FBXW11: variants seen among roughly 807,000 people sequenced by gnomAD.
The protein encoded by FBXW11 is F-box and WD repeat domain containing 11.
Under a neutral mutation model 77.6 loss-of-function variants are expected in FBXW11, and 19 were observed. That is an observed-to-expected ratio of 0.24 (90% CI 0.17 to 0.36). The LOEUF (loss-of-function observed/expected upper bound fraction) is 0.36. Ranked by LOEUF, FBXW11 falls within the 10% of genes least tolerant of loss-of-function variation. The pLI, the probability that FBXW11 is intolerant of heterozygous loss-of-function variation, is 1.00. For missense variants in FBXW11, 334 were observed against 704.2 expected, an observed-to-expected ratio of 0.47 and a Z score of 5.95; for synonymous variants, 235 against 249.4, an observed-to-expected ratio of 0.94 and a Z score of 0.54.
intron 1 of FBXW11, among the ~76,000 whole-genome samples, chr5:171,992,816 T>C (rs1489977562): frequency 6.6e-6 from 1 of 152,024 alleles, no homozygotes; most frequent in East Asian, 1.9e-4. Context: ...ACTTCTCTTC[T>C]TAGACAATCC....
At chr5:171,878,615 T>A (rs1477841361) in intron 7 of FBXW11, among the ~76,000 whole-genome samples, 47 of 148,634 alleles carry the variant, frequency 3.2e-4, no homozygotes, top group African/African-American at 1.1e-3. Context: ...TGTGTGTGTG[T>A]GTGTGTGTGT....
chr5:171,938,479 A>C (rs1247081398), intron 2 of FBXW11, among the ~76,000 whole-genome samples: 1 of 152,252 alleles, frequency 6.6e-6, no homozygotes, highest in Non-Finnish European at 1.5e-5. Flanking sequence ...ACATATTGGC[A>C]AATATGTAGA....
At chr5:171,966,921 T>C (rs1764222572) in intron 1 of FBXW11, among the ~76,000 whole-genome samples, 1 of 152,224 alleles carries the variant, frequency 6.6e-6, no homozygotes, top group African/African-American at 2.4e-5. Flanking sequence ...AGCTGAGTTT[T>C]ACAGACAAGA....
chr5:171,944,626 G>C (rs1376275057), intron 2 of FBXW11, among the ~76,000 whole-genome samples: 2 of 132,518 alleles, frequency 1.5e-5, no homozygotes, highest in Non-Finnish European at 3.3e-5. Context: ...AAAATATTAA[G>C]AATGGTACTC....
At chr5:171,963,494 C>T (rs1456746010) in intron 1 of FBXW11, among the ~76,000 whole-genome samples, 1 of 152,162 alleles carries the variant, frequency 6.6e-6, no homozygotes, top group Non-Finnish European at 1.5e-5. Context: ...GACTTAATCC[C>T]GTAGAACAAC....
At chr5:171,911,620 A>C (rs1251719010) in intron 3 of FBXW11, among the ~76,000 whole-genome samples, 2 of 152,196 alleles carry the variant, frequency 1.3e-5, no homozygotes, top group African/African-American at 4.8e-5. Context: ...CCTTCTCAGA[A>C]AGTGACCCAA....
intron 1 of FBXW11, among the ~76,000 whole-genome samples, chr5:171,972,027 T>A (rs1279412838): frequency 6.7e-6 from 1 of 149,878 alleles, no homozygotes; most frequent in Admixed American, 6.7e-5. Context: ...AGCCCAGGAG[T>A]TTGAGACCAG....
At chr5:171,924,421 A>C (rs920755714) in intron 2 of FBXW11, among the ~76,000 whole-genome samples, 2 of 152,008 alleles carry the variant, frequency 1.3e-5, no homozygotes, top group African/African-American at 4.8e-5. Context: ...CCATTCTGTG[A>C]CTATTAAAAA....
intron 13 of FBXW11, among the ~76,000 whole-genome samples, chr5:171,864,562 C>T (rs753894193): frequency 1.3e-5 from 2 of 152,164 alleles, no homozygotes; most frequent in South Asian, 2.1e-4. Context: ...GAGCCCTCAT[C>T]GATCACAAGG....
At chr5:171,939,916 C>T (rs942312988) in intron 2 of FBXW11, among the ~76,000 whole-genome samples, 1 of 152,004 alleles carries the variant, frequency 6.6e-6, no homozygotes, top group Admixed American at 6.6e-5. Context: ...ATAGTATTTG[C>T]ATGTAACCTA....
At chr5:171,967,275 A>G (rs1393648459) in intron 1 of FBXW11, among the ~76,000 whole-genome samples, 1 of 152,248 alleles carries the variant, frequency 6.6e-6, no homozygotes, top group Non-Finnish European at 1.5e-5. Context: ...AATATAGCCA[A>G]GAAGATGTCA....
At chr5:171,941,644 C>A (rs973903051) in intron 2 of FBXW11, among the ~76,000 whole-genome samples, 13 of 151,782 alleles carry the variant, frequency 8.6e-5, no homozygotes, top group African/African-American at 3.1e-4. Context: ...GTCAGCTTTA[C>A]TTTCAAATTG....
rs779831204 is a variant in FBXW11, at chr5:171,904,165, C to T, written c.437-4065G>A. On this transcript the variant is annotated intron_variant, in intron 4 of 13. Coordinates refer to ENST00000517395, the MANE Select transcript of FBXW11 (RefSeq NM_001378974.1). This position sits in a 1 kb window ranked among gnomAD's most constrained non-coding sequence, Gnocchi z 4.0. Reference sequence around the variant, plus strand: ...TACAAAAATTAGCCATGGTGGCACACGCCTGTAATCCCAGCTACTTGGCAG... The same window carrying T: ...TACAAAAATTAGCCATGGTGGCACATGCCTGTAATCCCAGCTACTTGGCAG... Among the ~76,000 whole-genome samples, 16 of 139,134 alleles carry T rather than the reference C, an allele frequency of 1.1e-4. No individual in the cohort carries two copies. The highest frequency in any genetic ancestry group is 2.3e-4 in the Non-Finnish European group (15 of 65,070). The allele number at this position is 139,134 out of a possible 152,430, so 91.3% of individuals were successfully genotyped here.
At chr5:171,886,831 T>C (rs1320973518) in intron 7 of FBXW11, among the ~76,000 whole-genome samples, 1 of 151,944 alleles carries the variant, frequency 6.6e-6, no homozygotes, top group African/African-American at 2.4e-5. Flanking sequence ...CTGGCCAGCA[T>C]AGCGAAACCT....
At chr5:171,956,350 T>TC (rs1439136266) in intron 2 of FBXW11, among the ~76,000 whole-genome samples, 1 of 152,314 alleles carries the variant, frequency 6.6e-6, no homozygotes, top group East Asian at 1.9e-4. Context: ...ACACTGAGCC[T>TC]CACTGAAGCA....
At chr5:171,916,685 CCT>C (rs1315064169) in intron 2 of FBXW11, among the ~76,000 whole-genome samples, 1 of 152,052 alleles carries the variant, frequency 6.6e-6, no homozygotes, top group Non-Finnish European at 1.5e-5. Flanking sequence ...TACAGCATCC[CCT>C]GAGTTTGGTA....
intron 1 of FBXW11, among the ~76,000 whole-genome samples, chr5:171,960,621 A>ATT (rs1447114966): frequency 6.6e-6 from 1 of 152,262 alleles, no homozygotes; most frequent in Non-Finnish European, 1.5e-5. Flanking sequence ...TCAAAAAATC[A>ATT]CAGATTGTGA....
intron 1 of FBXW11, among the ~76,000 whole-genome samples, chr5:171,972,436 G>A (rs1375693163): frequency 7.1e-6 from 1 of 140,828 alleles, no homozygotes; most frequent in Non-Finnish European, 1.5e-5. Context: ...CGGAGGTCAA[G>A]GCTACAGTGA....
intron 1 of FBXW11, among the ~76,000 whole-genome samples, chr5:171,978,733 C>T (rs1371567357): frequency 3.9e-5 from 6 of 152,176 alleles, no homozygotes; most frequent in East Asian, 1.9e-4. Context: ...GCCCCAGTCA[C>T]GACAAAATCA....
Sources: gnomAD v4.1 joint callset for allele counts (sites outside exome capture counted in the v4.1 genomes callset) on GRCh38, gnomAD v4.1.1 for gene constraint, Gnocchi (gnomAD v3.1) non-coding constraint, MANE v1.5 for transcripts, NCBI Gene and HGNC (gene_info 2026-07-23, HGNC 2026-07-21) for gene names.